Variants in PKP2 observed in about 807,000 individuals in gnomAD.
PKP2 encodes plakophilin-2.
In PKP2, 73 loss-of-function variants were observed where a neutral mutation model predicts 83.4. The observed-to-expected ratio is 0.88, with a 90% CI of 0.72 to 1.06. PKP2 has a LOEUF of 1.06. Ranked by LOEUF, PKP2 falls within the 50% of genes least tolerant of loss-of-function variation. PKP2 has a pLI of 0.00. For synonymous variants in PKP2, 409 were observed against 430.4 expected, an observed-to-expected ratio of 0.95 and a Z score of 0.62; for missense variants, 966 against 1,065.4, an observed-to-expected ratio of 0.91 and a Z score of 1.30.
rs886049306 is a variant in PKP2 at position 32,791,204 on chromosome 12, T to C, written c.*1220A>G. 2.2e-5 allele frequency: 3 copies of C among 133,620 alleles called. No individual in the cohort carries two copies. Among genetic ancestry groups the C allele is most frequent in the Admixed American group, 1.5e-4 (2 of 13,304 alleles). The allele number at this position is 133,620 out of a possible 1,614,324, so 8.3% of individuals were successfully genotyped here. A position where few individuals can be genotyped will look rare whatever the true frequency, so the allele number is the denominator to read the frequency against. ...CAGTTAAAACAACATTTAATGTAGA[T>C]TCATTTCGCTGGATGATGTCAACCA... On this transcript the variant is annotated 3_prime_UTR_variant, in exon 13 of 13. Coordinates refer to ENST00000340811, the MANE Select transcript of PKP2 (RefSeq NM_001005242.3).
intron 5 of PKP2, among the ~76,000 whole-genome samples, chr12:32,845,909 A>G (rs1956639939): frequency 6.6e-6 from 1 of 152,212 alleles, no homozygotes; most frequent in African/African-American, 2.4e-5. Context: ...ACGTATTCCA[A>G]GTTATATATA....
At chr12:32,798,742 C>T (rs1432809945) in intron 10 of PKP2, among the ~76,000 whole-genome samples, 1 of 152,162 alleles carries the variant, frequency 6.6e-6, no homozygotes, top group African/African-American at 2.4e-5. Flanking sequence ...GGATCCTCAT[C>T]TCTCACTTTA....
At position 32,824,124 on chromosome 12, in the gene PKP2, A is replaced by G; in HGVS notation, c.1595T>C (p.Met532Thr). 1 of 1,612,822 alleles carries G rather than the reference A, an allele frequency of 6.2e-7. No individual in the cohort carries two copies. Among genetic ancestry groups the G allele is most frequent in the Non-Finnish European group, 8.5e-7 (1 of 1,179,152 alleles). ...GTCAATGAGTCCGTCACATCTTCTC[A>G]TCGCTTTTCTCCCATCAGCGCCAGC... ...SSAGADGRKAMRRCDGLIDSL... is the reference protein window; with the variant it reads ...SSAGADGRKATRRCDGLIDSL... The change falls in exon 7 of 13, where the codon ATG becomes ACG. Residue 532 changes from methionine (M) to threonine (T), a missense_variant. Met to Thr is a moderately conservative substitution (Grantham distance 81). Transcript: ENST00000340811.
intron 9 of PKP2, among the ~76,000 whole-genome samples, chr12:32,819,581 C>T (rs544285192): frequency 1.1e-4 from 16 of 152,244 alleles, no homozygotes; most frequent in African/African-American, 2.9e-4. Context: ...TATTACCCAA[C>T]ACAGGGATTT....
rs1429094457 is a variant in PKP2 at position 32,896,662 on chromosome 12, G to C, written c.70C>G (p.Gln24Glu). ...AGCGCCAGGCTGGAGCTGTCCAGTT[G>C]TCCCAGGATCTGCTGGCCCAGGACG... is the stretch of plus-strand genomic sequence containing the variant. ...RTVLGQQILG[Q>E]LDSSSLALPS... Residue 24 changes from glutamine (Q) to glutamate (E), a missense_variant, in exon 1 of 13, where the codon CAA becomes GAA. By Grantham distance (29) the Gln-to-Glu change is conservative. Coordinates refer to ENST00000340811, the MANE Select transcript of PKP2 (RefSeq NM_001005242.3). 2 of 1,561,480 alleles carry C rather than the reference G, an allele frequency of 1.3e-6. No homozygotes were observed. Among genetic ancestry groups the C allele is most frequent in the East Asian group, 4.7e-5 (2 of 42,534 alleles).
At chr12:32,885,422 G>T (rs941882874) in intron 1 of PKP2, among the ~76,000 whole-genome samples, 9 of 152,212 alleles carry the variant, frequency 5.9e-5, no homozygotes, top group Non-Finnish European at 1.0e-4. Flanking sequence ...GGGAGGCCAA[G>T]GTGGGCAGAT....
chr12:32,896,669 G>A lies in PKP2; in HGVS notation c.63C>T (p.Ile21=). The A allele has an allele frequency of 6.4e-7, 1 of 1,556,614 alleles. No homozygotes were observed. The highest frequency in any genetic ancestry group is 8.6e-7 in the Non-Finnish European group (1 of 1,160,286). ...GGCTGGAGCTGTCCAGTTGTCCCAG[G>A]ATCTGCTGGCCCAGGACGGTCCGGA... ...GYIRTVLGQQ[I]LGQLDSSSLA... The change falls in exon 1 of 13, where the codon ATC becomes ATT. Residue 21 remains isoleucine (I), a synonymous_variant. Coordinates refer to ENST00000340811, the MANE Select transcript of PKP2 (RefSeq NM_001005242.3).
intron 5 of PKP2, chr12:32,843,146 A>AT (rs2137837414): frequency 6.8e-6 from 3 of 440,424 alleles, no homozygotes; most frequent in South Asian, 1.6e-5. Flanking sequence ...CACCCGGCTA[A>AT]TTTTTTTGTA....
At chr12:32,822,744 T>G (rs1592737983) in intron 7 of PKP2, 113 bp from the exon 8 acceptor site, 1 of 1,152,326 alleles carries the variant, frequency 8.7e-7, no homozygotes, top group African/African-American at 1.5e-5. Flanking sequence ...CAACTGGGTG[T>G]GCTTAAACTG....
At chr12:32,821,267 C>T in intron 9 of PKP2, 89 bp downstream of exon 9, 2 of 1,192,268 alleles carry the variant, frequency 1.7e-6, no homozygotes, top group Non-Finnish European at 2.5e-6. Context: ...ACCTTTTTCT[C>T]TTCCCTCACT....
chr12:32,821,944 C>T (rs1956383668), intron 8 of PKP2: 3 of 239,948 alleles, frequency 1.3e-5, no homozygotes, highest in South Asian at 1.2e-4. Context: ...CAGCTGGTTT[C>T]CACAAATACC....
At chr12:32,848,696 T>C in intron 5 of PKP2, among the ~76,000 whole-genome samples, 1 of 152,166 alleles carries the variant, frequency 6.6e-6, no homozygotes, top group East Asian at 1.9e-4. Context: ...TTGGGTACTA[T>C]GCTGAGTACC....
intron 1 of PKP2, among the ~76,000 whole-genome samples, chr12:32,880,129 G>A (rs192344829): frequency 6.6e-5 from 10 of 151,496 alleles, no homozygotes; most frequent in East Asian, 2.0e-4. Context: ...TAGGCCGGGC[G>A]TGGTGGCTCA....
At chr12:32,833,462 T>C (rs1228448806) in intron 6 of PKP2, among the ~76,000 whole-genome samples, 3 of 152,136 alleles carry the variant, frequency 2.0e-5, no homozygotes, top group Admixed American at 6.6e-5. Context: ...GTAGCTCATA[T>C]TGATATTCCA....
chr12:32,823,917 T>G, intron 7 of PKP2, 128 bp downstream of exon 7: 1 of 725,636 alleles, frequency 1.4e-6, no homozygotes, highest in Non-Finnish European at 2.5e-6. Context: ...TTAATATTTC[T>G]AAGGATGAAT....
Position 32,819,375 on chromosome 12 carries a change from C to T in PKP2, c.2013+1981G>A, listed in dbSNP as rs575273045. Among the ~76,000 whole-genome samples, 136 of 152,054 alleles carry T rather than the reference C, an allele frequency of 8.9e-4. 2 individuals carry two copies. In the South Asian group the frequency reaches 0.026, roughly 29 times the overall value. On this transcript the variant is annotated intron_variant, in intron 9 of 12. Transcript: ENST00000340811. Reference sequence around the variant, plus strand: ...GGGGCTTCATATTTGTCCCATGCTGCTAATGATTTTCTCTTATAAATCTCC... The same window carrying T: ...GGGGCTTCATATTTGTCCCATGCTGTTAATGATTTTCTCTTATAAATCTCC...
At chr12:32,881,459 G>A (rs527478754) in intron 1 of PKP2, among the ~76,000 whole-genome samples, 3 of 152,084 alleles carry the variant, frequency 2.0e-5, no homozygotes, top group African/African-American at 4.8e-5. Flanking sequence ...ATGGAGTCTC[G>A]CTATGTTGCC....
chr12:32,841,468 G>T (rs1278182245), intron 5 of PKP2, among the ~76,000 whole-genome samples: 1 of 152,106 alleles, frequency 6.6e-6, no homozygotes, highest in Non-Finnish European at 1.5e-5. Context: ...ACAAATAAAG[G>T]CCAGACATGC....
intron 1 of PKP2, among the ~76,000 whole-genome samples, chr12:32,896,076 CATTA>C (rs565280939): frequency 1.0e-3 from 155 of 152,248 alleles, no homozygotes; most frequent in African/African-American, 3.6e-3. Flanking sequence ...TTATGGGGGT[CATTA>C]ATTATTTAAC....
Sources: gnomAD v4.1 joint callset for allele counts (sites outside exome capture counted in the v4.1 genomes callset) on GRCh38, gnomAD v4.1.1 for gene constraint, MANE v1.5 for transcripts, NCBI Gene and HGNC (gene_info 2026-07-23, HGNC 2026-07-21) for gene names.